SHISA9: variants seen among roughly 807,000 people sequenced by gnomAD.
SHISA9 encodes the protein protein shisa-9.
In SHISA9, 13 loss-of-function variants were observed where a neutral mutation model predicts 38.0. That is an observed-to-expected ratio of 0.34 (90% CI 0.22 to 0.54). The LOEUF (loss-of-function observed/expected upper bound fraction) is 0.54, where lower values mean the gene tolerates loss of function less well. SHISA9 is among the 20% of genes least tolerant of loss of function. SHISA9 has a pLI of 0.91. For missense variants in SHISA9, 538 were observed against 575.8 expected (o/e 0.93, Z 0.67); for synonymous variants, 275 against 242.0 (o/e 1.14, Z -1.27).
chr16:13,291,761 T>C, the SHISA9 span, among the ~76,000 whole-genome samples: 1 of 152,054 alleles, frequency 6.6e-6, no homozygotes, highest in South Asian at 2.1e-4. Context: ...AATTTAAAAA[T>C]AGAAGAGTAG....
At chr16:13,406,286 T>A in the SHISA9 span, among the ~76,000 whole-genome samples, 2 of 152,216 alleles carry the variant, frequency 1.3e-5, no homozygotes, top group African/African-American at 4.8e-5. Context: ...TAGCTCACAC[T>A]CTGTCTCTAA....
chr16:13,468,578 C>T, the SHISA9 span, among the ~76,000 whole-genome samples: 4 of 152,048 alleles, frequency 2.6e-5, no homozygotes, highest in Non-Finnish European at 2.9e-5. Context: ...CCATTTTATC[C>T]TAAATATCTT....
At chr16:13,148,103 C>T (rs147306060) in intron 2 of SHISA9, among the ~76,000 whole-genome samples, 19 of 152,218 alleles carry the variant, frequency 1.2e-4, no homozygotes, top group East Asian at 7.8e-4. Context: ...TCACTGTTCA[C>T]GGCATGCACA....
chr16:13,187,035 G>A (rs1330164230), intron 2 of SHISA9, among the ~76,000 whole-genome samples: 1 of 152,128 alleles, frequency 6.6e-6, no homozygotes, highest in African/African-American at 2.4e-5. Context: ...TGTGAACACG[G>A]GTCTACAAAT....
At chr16:13,003,074 A>G (rs921515004) in intron 2 of SHISA9, among the ~76,000 whole-genome samples, 4 of 152,200 alleles carry the variant, frequency 2.6e-5, no homozygotes, top group African/African-American at 7.2e-5. Flanking sequence ...TTCCAGTTGG[A>G]GGGAACAACA....
intron 3 of SHISA9, among the ~76,000 whole-genome samples, chr16:13,212,024 G>A (rs1264495695): frequency 6.6e-6 from 1 of 152,124 alleles, no homozygotes; most frequent in Non-Finnish European, 1.5e-5. Context: ...GAGTGATGAG[G>A]GGTGTACAGT....
intron 2 of SHISA9, among the ~76,000 whole-genome samples, chr16:12,935,854 G>GAA (rs11428944): frequency 0.03 from 4,100 of 135,038 alleles, 97 homozygotes; most frequent in African/African-American, 0.056. Flanking sequence ...GTCTCAAAAA[G>GAA]AAAAAAAAAA....
At chr16:13,523,796 T>A in the SHISA9 span, among the ~76,000 whole-genome samples, 6 of 152,190 alleles carry the variant, frequency 3.9e-5, no homozygotes, top group African/African-American at 7.2e-5. Flanking sequence ...TACAATTCAA[T>A]ATGAGATCTA....
the SHISA9 span, among the ~76,000 whole-genome samples, chr16:13,530,710 C>T: frequency 1.1e-4 from 17 of 152,240 alleles, no homozygotes; most frequent in African/African-American, 4.1e-4. Flanking sequence ...TCCTTCCTTA[C>T]AGAAGAAGCA....
chr16:13,249,718 A>T, the SHISA9 span, among the ~76,000 whole-genome samples: 1 of 150,270 alleles, frequency 6.7e-6, no homozygotes, highest in African/African-American at 2.5e-5. Context: ...CCTTCACTTG[A>T]TCTCCACCTT....
At chr16:13,549,791 G>A in the SHISA9 span, among the ~76,000 whole-genome samples, 2 of 152,056 alleles carry the variant, frequency 1.3e-5, no homozygotes, top group African/African-American at 2.4e-5. Flanking sequence ...TTGGGCAGCC[G>A]AGGTGGGCAG....
At chr16:13,003,035 G>C (rs184051130) in intron 2 of SHISA9, among the ~76,000 whole-genome samples, 1 of 152,314 alleles carries the variant, frequency 6.6e-6, no homozygotes, top group Non-Finnish European at 1.5e-5. Flanking sequence ...AAACCTGAAG[G>C]AATAGTTGGT....
chr16:13,390,904 C>T, the SHISA9 span, among the ~76,000 whole-genome samples: 3 of 152,188 alleles, frequency 2.0e-5, no homozygotes, highest in Non-Finnish European at 4.4e-5. Context: ...CAGGCAACTG[C>T]AGGGTATGCA....
the SHISA9 span, among the ~76,000 whole-genome samples, chr16:13,415,081 G>A: frequency 6.6e-6 from 1 of 152,290 alleles, no homozygotes; most frequent in East Asian, 1.9e-4. Flanking sequence ...CAAAACTCAG[G>A]ATTGCCACAG....
At chr16:13,424,847 T>C in the SHISA9 span, among the ~76,000 whole-genome samples, 1 of 152,254 alleles carries the variant, frequency 6.6e-6, no homozygotes, top group Non-Finnish European at 1.5e-5. Context: ...GCTTTAAGGC[T>C]TTGGCCTATT....
intron 4 of SHISA9, among the ~76,000 whole-genome samples, chr16:13,221,562 T>C (rs2051226289): frequency 6.6e-6 from 1 of 151,996 alleles, no homozygotes. Context: ...TGTTTTACGG[T>C]ACTAAAATGT....
the SHISA9 span, among the ~76,000 whole-genome samples, chr16:13,249,102 G>T: frequency 6.6e-6 from 1 of 152,190 alleles, no homozygotes; most frequent in Non-Finnish European, 1.5e-5. Flanking sequence ...TGGAAAAGAG[G>T]TGCATGGAAA....
chr16:13,048,328 G>A (rs767362556), intron 2 of SHISA9, among the ~76,000 whole-genome samples: 5 of 152,242 alleles, frequency 3.3e-5, no homozygotes, highest in Non-Finnish European at 5.9e-5. Context: ...ATGATATGGA[G>A]CCAGGCATCT....
At chr16:13,365,582 G>C in the SHISA9 span, among the ~76,000 whole-genome samples, 2 of 150,306 alleles carry the variant, frequency 1.3e-5, no homozygotes, top group East Asian at 4.0e-4. Flanking sequence ...TCAGCCTTCT[G>C]AGTAGCTGGG....
Sources: allele counts gnomAD v4.1 joint callset (sites outside exome capture counted in the v4.1 genomes callset), GRCh38; gene constraint gnomAD v4.1.1; transcripts MANE v1.5; gene names NCBI Gene and HGNC (gene_info 2026-07-23, HGNC 2026-07-21).